SP140L: variants seen among roughly 807,000 people sequenced by gnomAD.
SP140L encodes nuclear body protein SP140-like protein.
Under a neutral mutation model 84.3 loss-of-function variants are expected in SP140L, and 64 were observed. The observed-to-expected ratio is 0.76, with a 90% confidence interval of 0.62 to 0.94. The LOEUF (loss-of-function observed/expected upper bound fraction) is 0.94. Among genes scored for constraint, SP140L ranks in the 40% least tolerant of loss-of-function variants. The probability of loss-of-function intolerance (pLI) is 0.00; values close to 1 mark genes in which losing one functional copy is unlikely to be tolerated. For synonymous variants in SP140L, 242 were observed against 236.9 expected (o/e 1.02, Z -0.20); for missense variants, 628 against 692.5 (o/e 0.91, Z 1.05).
chr2:230,357,676 C>A, intron 2 of SP140L, 129 bp from the exon 3 acceptor site: 1 of 864,734 alleles, frequency 1.2e-6, no homozygotes, highest in Non-Finnish European at 1.8e-6. Flanking sequence ...ATTCTGGGCT[C>A]TACTGAGGAC....
At chr2:230,378,816 T>G (rs1258197893) in intron 7 of SP140L, among the ~76,000 whole-genome samples, 1 of 152,228 alleles carries the variant, frequency 6.6e-6, no homozygotes, top group African/African-American at 2.4e-5. Context: ...AGCAAAACTT[T>G]GTTGTTTAAA....
chr2:230,389,943 CTG>C lies in SP140L; in HGVS notation c.887_888del (p.Val296GlyfsTer20), dbSNP rs767306474. ...GCTTCAAGAAAGCACAAAGATGAAA[CTG>C]TGGATTTTCAGGCTCCTTTACTTCC... is the stretch of plus-strand genomic sequence containing the variant. On this transcript the variant is annotated frameshift_variant, in exon 11 of 19. Coordinates refer to ENST00000415673, the MANE Select transcript of SP140L (RefSeq NM_138402.6). LOFTEE classifies it high-confidence loss of function. 2.0e-5 allele frequency: 32 copies of C among 1,613,628 alleles called. No individual in the cohort carries two copies. The highest frequency in any genetic ancestry group is 2.7e-5 in the African/African-American group (2 of 74,858).
intron 2 of SP140L, among the ~76,000 whole-genome samples, chr2:230,346,726 G>T (rs1308975643): frequency 6.6e-6 from 1 of 151,682 alleles, no homozygotes; most frequent in Non-Finnish European, 1.5e-5. Flanking sequence ...GGATTTCTGG[G>T]GGTTTGTTTA....
At chr2:230,360,887 A>G (rs1274771731) in intron 4 of SP140L, among the ~76,000 whole-genome samples, 1 of 152,060 alleles carries the variant, frequency 6.6e-6, no homozygotes, top group Non-Finnish European at 1.5e-5. Context: ...AATTAAGCCA[A>G]CGTTCTCCTG....
chr2:230,351,960 A>G (rs1229647156), intron 2 of SP140L, among the ~76,000 whole-genome samples: 1 of 152,144 alleles, frequency 6.6e-6, no homozygotes, highest in Non-Finnish European at 1.5e-5. Flanking sequence ...ATTCAGTTTT[A>G]ATGGGGTTTC....
chr2:230,354,483 G>T (rs1295971352), intron 2 of SP140L, among the ~76,000 whole-genome samples: 1 of 152,058 alleles, frequency 6.6e-6, no homozygotes, highest in Non-Finnish European at 1.5e-5. Flanking sequence ...AAATAGGTAG[G>T]AATGCAAAGC....
intron 7 of SP140L, among the ~76,000 whole-genome samples, chr2:230,380,792 A>G (rs573925745): frequency 2.6e-5 from 4 of 152,172 alleles, no homozygotes; most frequent in South Asian, 2.1e-4. Flanking sequence ...ATTCATTCAT[A>G]TCATTGGATG....
intron 2 of SP140L, among the ~76,000 whole-genome samples, chr2:230,330,932 T>C (rs1040994016): frequency 6.6e-6 from 1 of 152,188 alleles, no homozygotes; most frequent in African/African-American, 2.4e-5. Context: ...GTATCCACAA[T>C]GTGGACACCA....
chr2:230,385,057 C>A (rs2061528459), intron 8 of SP140L, among the ~76,000 whole-genome samples, 167 bp from the exon 9 acceptor site: 1 of 152,114 alleles, frequency 6.6e-6, no homozygotes. Context: ...CGGTTAAATT[C>A]TGTGTGTAAT....
chr2:230,399,038 C>A (rs2062188681), intron 14 of SP140L, among the ~76,000 whole-genome samples: 1 of 152,208 alleles, frequency 6.6e-6, no homozygotes. Flanking sequence ...CCCAGTGTTA[C>A]CAGATGTCCA....
chr2:230,343,149 AAACATGTGCCATGGTG>A (rs2060110390), intron 2 of SP140L, among the ~76,000 whole-genome samples: 1 of 117,988 alleles, frequency 8.5e-6, no homozygotes, highest in African/African-American at 3.1e-5. Flanking sequence ...TTACATAGGT[AAACATGTGCCATGGTG>A]TTTGTTGCAC....
intron 2 of SP140L, among the ~76,000 whole-genome samples, chr2:230,346,751 T>G (rs2149706185): frequency 6.6e-6 from 1 of 152,324 alleles, no homozygotes; most frequent in East Asian, 1.9e-4. Context: ...TTCCTATTTT[T>G]TATTGGCATT....
chr2:230,336,039 G>T (rs1409544169), intron 2 of SP140L, among the ~76,000 whole-genome samples: 1 of 152,208 alleles, frequency 6.6e-6, no homozygotes, highest in Non-Finnish European at 1.5e-5. Context: ...CATAATGAAG[G>T]TGTGGAATAT....
At position 230,402,875 on chromosome 2, in the gene SP140L, G is replaced by A. The variant is rs766047499; in HGVS notation, c.1722G>A (p.Gln574=). The A allele has an allele frequency of 7.4e-6, 12 of 1,612,790 alleles. No homozygotes were observed. Among genetic ancestry groups the A allele is most frequent in the Admixed American group, 1.7e-5 (1 of 59,702 alleles). ...ATTTCAAGGAAGTGTTTGCTATTCA[G>A]GAAACAAATGGGAACAGTTGACTGG... ...EKDFKEVFAI[Q]ETNGNS is the part of the protein sequence containing the mutation. Residue 574 remains glutamine (Q), a synonymous_variant, in exon 19 of 19, where the codon CAG becomes CAA. Transcript: ENST00000415673.
chr2:230,395,990 C>T (rs550380082), intron 13 of SP140L, among the ~76,000 whole-genome samples: 3 of 152,338 alleles, frequency 2.0e-5, no homozygotes, highest in South Asian at 2.1e-4. Context: ...AAGCAGTGCT[C>T]TTCTCTGGGA....
intron 10 of SP140L, 171 bp downstream of exon 10, chr2:230,388,804 G>A (rs1559454012): frequency 3.1e-6 from 2 of 647,648 alleles, no homozygotes; most frequent in African/African-American, 1.9e-5. Context: ...AGGAAAGAAG[G>A]AAGTAAGTTG....
chr2:230,387,365 G>A (rs572416611), intron 9 of SP140L, among the ~76,000 whole-genome samples: 26 of 152,292 alleles, frequency 1.7e-4, no homozygotes, highest in African/African-American at 5.8e-4. Flanking sequence ...GGGATAAGAT[G>A]TCTGTAATTA....
chr2:230,369,084 C>G (rs936947938), intron 5 of SP140L, among the ~76,000 whole-genome samples: 2 of 152,222 alleles, frequency 1.3e-5, no homozygotes, highest in Admixed American at 1.3e-4. Context: ...TTATTTCAGC[C>G]TCTGTAGATT....
At chr2:230,347,366 A>G (rs766746865) in intron 2 of SP140L, among the ~76,000 whole-genome samples, 2 of 152,010 alleles carry the variant, frequency 1.3e-5, no homozygotes, top group African/African-American at 4.8e-5. Flanking sequence ...CCAGAGTAGA[A>G]CCACTGGCTG....
Sources: gnomAD v4.1 joint callset for allele counts (sites outside exome capture counted in the v4.1 genomes callset) on GRCh38, gnomAD v4.1.1 for gene constraint, MANE v1.5 for transcripts, NCBI Gene and HGNC (gene_info 2026-07-23, HGNC 2026-07-21) for gene names.